The following ST3GAL2 variants were observed in gnomAD, a reference collection of about 807,000 sequenced individuals.
ST3GAL2 encodes CMP-N-acetylneuraminate-beta-galactosamide-alpha-2,3-sialyltransferase 2.
Under a neutral mutation model 37.5 loss-of-function variants are expected in ST3GAL2, and 16 were observed. The ratio of observed to expected loss-of-function variants is 0.43; its 90% CI spans 0.29 to 0.65. The LOEUF is 0.65. ST3GAL2 is among the 30% of genes least tolerant of loss of function. The pLI is 0.17. For missense variants in ST3GAL2, 383 were observed against 487.8 expected (o/e 0.79, Z 2.02); for synonymous variants, 238 against 202.9 (o/e 1.17, Z -1.47).
At chr16:70,386,165 C>A (rs1478951451) in intron 4 of ST3GAL2, among the ~76,000 whole-genome samples, 1 of 150,322 alleles carries the variant, frequency 6.7e-6, no homozygotes, top group Non-Finnish European at 1.5e-5. Flanking sequence ...GGACTACAGA[C>A]GTGCGCCACC....
At chr16:70,383,323 G>T in intron 4 of ST3GAL2, 88 bp from the exon 5 acceptor site, 4 of 1,347,482 alleles carry the variant, frequency 3.0e-6, no homozygotes, top group Non-Finnish European at 3.0e-6. Context: ...GGCTGAGGCA[G>T]GTGGATCACC....
chr16:70,394,631 G>A (rs1168946594), intron 3 of ST3GAL2, among the ~76,000 whole-genome samples: 6 of 152,218 alleles, frequency 3.9e-5, no homozygotes, highest in Non-Finnish European at 7.3e-5. Context: ...TCCCACCTCA[G>A]CCTCTCAAAG....
intron 1 of ST3GAL2, among the ~76,000 whole-genome samples, chr16:70,438,227 T>A (rs932467255): frequency 1.3e-5 from 2 of 152,100 alleles, no homozygotes; most frequent in Non-Finnish European, 2.9e-5. Context: ...TCAAGTGAGC[T>A]CAGCCCAGAG....
At chr16:70,397,566 A>G (rs1458476148) in intron 2 of ST3GAL2, among the ~76,000 whole-genome samples, 1 of 151,848 alleles carries the variant, frequency 6.6e-6, no homozygotes, top group Non-Finnish European at 1.5e-5. Flanking sequence ...TGTACTAAAA[A>G]TACAAAAAAA....
At chr16:70,388,169 A>C (rs1003401756) in intron 4 of ST3GAL2, among the ~76,000 whole-genome samples, 198 bp downstream of exon 4, 1 of 151,626 alleles carries the variant, frequency 6.6e-6, no homozygotes, top group South Asian at 2.1e-4. Context: ...TCCACCATCA[A>C]TATGCTGTGT....
intron 3 of ST3GAL2, among the ~76,000 whole-genome samples, chr16:70,392,806 A>G (rs904856893): frequency 2.6e-5 from 4 of 152,030 alleles, no homozygotes; most frequent in African/African-American, 9.7e-5. Context: ...TGTTTTTGAG[A>G]TAGGGTCTTG....
chr16:70,382,703 T>G, intron 6 of ST3GAL2, 102 bp downstream of exon 6: 4 of 1,546,508 alleles, frequency 2.6e-6, no homozygotes, highest in Non-Finnish European at 3.5e-6. Context: ...ACATGGATTC[T>G]GCCTACAGAA....
At chr16:70,383,166 G>T in intron 5 of ST3GAL2, 24 bp downstream of exon 5, 5 of 1,612,756 alleles carry the variant, frequency 3.1e-6, no homozygotes, top group Non-Finnish European at 4.2e-6. Context: ...TTCCACTGAG[G>T]TGGGGAAGAA....
At chr16:70,420,168 T>C (rs2047705409) in intron 1 of ST3GAL2, among the ~76,000 whole-genome samples, 1 of 152,062 alleles carries the variant, frequency 6.6e-6, no homozygotes, top group Non-Finnish European at 1.5e-5. Flanking sequence ...TTTCTATTCT[T>C]GTGGCCCAGT....
chr16:70,407,608 G>A lies in ST3GAL2; in HGVS notation c.-1003-8075C>T, dbSNP rs75621645. 5.0e-3 allele frequency among the ~76,000 whole-genome samples: 762 copies of A among 152,282 alleles called. 5 individuals are homozygous for A. The highest frequency in any genetic ancestry group is 7.6e-3 in the Non-Finnish European group (519 of 68,024). Reference sequence around the variant, plus strand: ...GGGCAGCAAGGGCCTTGAAGACCCCGCCTTCCATCCTCAGGAGATGCAGCC... The same window carrying A: ...GGGCAGCAAGGGCCTTGAAGACCCCACCTTCCATCCTCAGGAGATGCAGCC... On this transcript the variant is annotated intron_variant, in intron 1 of 6. Coordinates refer to ENST00000342907, the MANE Select transcript of ST3GAL2 (RefSeq NM_006927.4).
At chr16:70,436,689 T>C (rs1463491902) in intron 1 of ST3GAL2, among the ~76,000 whole-genome samples, 2 of 151,954 alleles carry the variant, frequency 1.3e-5, no homozygotes, top group Non-Finnish European at 2.9e-5. Flanking sequence ...ATGTGAAGAA[T>C]CCTTCCCTAA....
At chr16:70,408,339 C>T (rs1363985757) in intron 1 of ST3GAL2, among the ~76,000 whole-genome samples, 2 of 152,032 alleles carry the variant, frequency 1.3e-5, no homozygotes, top group Non-Finnish European at 2.9e-5. Flanking sequence ...AGCCTAGCAA[C>T]CCAGAACACT....
intron 1 of ST3GAL2, among the ~76,000 whole-genome samples, chr16:70,420,429 G>A (rs1168838579): frequency 6.6e-6 from 1 of 152,204 alleles, no homozygotes; most frequent in African/African-American, 2.4e-5. Flanking sequence ...GCCCTGGGTA[G>A]AGAAGAGGGC....
chr16:70,420,021 TC>T lies in ST3GAL2; in HGVS notation c.-1004+18927del, dbSNP rs1438560079. On this transcript the variant is annotated intron_variant, in intron 1 of 6. Transcript: ENST00000342907. The stretch of plus-strand genomic sequence containing the variant: ...ACAACTGACCATTTGACCCCCCCCT[TC>T]CCTTTTTTTTTTTTTTTTTTTTGAG... 7.0e-3 allele frequency among the ~76,000 whole-genome samples: 986 copies of T among 140,582 alleles called. 11 individuals carry two copies. Among genetic ancestry groups the T allele is most frequent in the African/African-American group, 0.024 (891 of 36,974 alleles). The allele number at this position is 140,582 out of a possible 152,430, so 92.2% of individuals were successfully genotyped here. A position where few individuals can be genotyped will look rare whatever the true frequency, so the allele number is the denominator to read the frequency against.
chr16:70,426,181 CTTTTTTTTTT>C (rs56342720), intron 1 of ST3GAL2, among the ~76,000 whole-genome samples: 3 of 99,512 alleles, frequency 3.0e-5, no homozygotes, highest in African/African-American at 7.6e-5. Flanking sequence ...GGGCCAAAGC[CTTTTTTTTTT>C]TTTTTTTTTT....
At chr16:70,425,315 A>G (rs760971895) in intron 1 of ST3GAL2, among the ~76,000 whole-genome samples, 1 of 152,194 alleles carries the variant, frequency 6.6e-6, no homozygotes, top group Non-Finnish European at 1.5e-5. Flanking sequence ...TACAAAAATT[A>G]GCTGGGCGTG....
chr16:70,395,073 G>T lies in ST3GAL2; in HGVS notation c.442C>A (p.Gln148Lys), dbSNP rs1258691061. 3 of 1,613,972 alleles carry T rather than the reference G, an allele frequency of 1.9e-6. No homozygotes were observed. The highest frequency in any genetic ancestry group is 2.5e-6 in the Non-Finnish European group (3 of 1,179,968). ...ENPYRFRDPH[Q>K]CRRCAVVGNS... ...CCCACCACGGCACAGCGCCGGCACT[G>T]GTGGGGGTCCCGGAAGCGGTAGGGG... is the stretch of plus-strand genomic sequence containing the variant. Residue 148 changes from glutamine (Q) to lysine (K), a missense_variant, in exon 3 of 7, where the codon CAG (glutamine) becomes AAG (lysine). Gln to Lys is a moderately conservative substitution (Grantham distance 53). Coordinates refer to ENST00000342907, the MANE Select transcript of ST3GAL2 (RefSeq NM_006927.4).
chr16:70,431,487 G>C (rs1193372055), intron 1 of ST3GAL2, among the ~76,000 whole-genome samples: 1 of 152,280 alleles, frequency 6.6e-6, no homozygotes, highest in South Asian at 2.1e-4. Context: ...CCTTCACCTA[G>C]AAACCAATAG....
At chr16:70,416,437 C>G (rs2047677148) in intron 1 of ST3GAL2, among the ~76,000 whole-genome samples, 1 of 152,158 alleles carries the variant, frequency 6.6e-6, no homozygotes, top group Non-Finnish European at 1.5e-5. Context: ...CTTAAAAGAA[C>G]CCTAAGAACT....
Sources: gnomAD v4.1 joint callset for allele counts (sites outside exome capture counted in the v4.1 genomes callset) on GRCh38, gnomAD v4.1.1 for gene constraint, MANE v1.5 for transcripts, NCBI Gene and HGNC (gene_info 2026-07-23, HGNC 2026-07-21) for gene names.